Variants in AK9 observed in about 807,000 individuals in gnomAD.
AK9 encodes the protein adenylate kinase 9, also known as adenylate kinase domain containing 1.
AK9 carries 191 observed loss-of-function variants against 239.6 expected under a neutral mutation model. The observed-to-expected ratio is 0.80, with a 90% CI of 0.71 to 0.90. The LOEUF is 0.90. Ranked by LOEUF, AK9 falls within the 40% of genes least tolerant of loss-of-function variation. The pLI is 0.00. For synonymous variants in AK9, 689 were observed against 721.0 expected (o/e 0.96, Z 0.71); for missense variants, 1,995 against 2,214.7 (o/e 0.90, Z 1.99).
chr6:109,594,627 C>A (rs538307067), intron 17 of AK9, among the ~76,000 whole-genome samples: 1 of 152,064 alleles, frequency 6.6e-6, no homozygotes, highest in Non-Finnish European at 1.5e-5. Flanking sequence ...AAGACTACAG[C>A]AGCCAAAACA....
intron 33 of AK9, among the ~76,000 whole-genome samples, chr6:109,507,172 GC>G (rs1778197133): frequency 6.6e-6 from 1 of 152,184 alleles, no homozygotes; most frequent in Non-Finnish European, 1.5e-5. Flanking sequence ...AGCTTTAGAG[GC>G]AGATAACTTT....
At chr6:109,672,083 T>A in intron 4 of AK9, 32 bp downstream of exon 4, 1 of 1,612,842 alleles carries the variant, frequency 6.2e-7, no homozygotes, top group Non-Finnish European at 8.5e-7. Flanking sequence ...TTTTTTGTAA[T>A]CATAGTTACT....
rs571725484 is a variant in AK9, at chr6:109,536,458, C to G, written c.3351-2988G>C. 2.3e-3 allele frequency among the ~76,000 whole-genome samples: 350 copies of G among 152,290 alleles called. 1 individual carries two copies. The highest frequency in any genetic ancestry group is 4.4e-3 in the Admixed American group (68 of 15,292). On this transcript the variant is annotated intron_variant, in intron 27 of 40. Coordinates refer to ENST00000424296, the MANE Select transcript of AK9 (RefSeq NM_001145128.3). ...TGATTTCTGCACATTGACTTTGTAT[C>G]CTGAGACTTTGCTGAAGTTGCTTAT...
intron 17 of AK9, among the ~76,000 whole-genome samples, chr6:109,605,229 A>C (rs1198785979): frequency 6.6e-6 from 1 of 152,168 alleles, no homozygotes; most frequent in East Asian, 1.9e-4. Context: ...TGAGCCCAGG[A>C]GTTTGAGAAC....
At position 109,659,210 on chromosome 6, in the gene AK9, TA is replaced by T. The variant is rs745379887; in HGVS notation, c.630+17del. On this transcript the variant is annotated intron_variant, in intron 7 of 40. Transcript: ENST00000424296. ...TTTAAAAAGTGTAGTGTATGGTAGT[TA>T]CCTATTGAGATATTACCTCTTCTTC... 7.1e-6 allele frequency: 11 copies of T among 1,556,810 alleles called. No homozygotes were observed. In the East Asian group the frequency reaches 2.0e-4, roughly 29 times the overall value.
chr6:109,600,028 G>A (rs1426116804), intron 17 of AK9, among the ~76,000 whole-genome samples: 1 of 152,084 alleles, frequency 6.6e-6, no homozygotes, highest in Non-Finnish European at 1.5e-5. Flanking sequence ...CACAAACAGG[G>A]ACAATTTGAT....
chr6:109,582,867 T>C (rs1219714215), intron 19 of AK9, among the ~76,000 whole-genome samples: 1 of 152,134 alleles, frequency 6.6e-6, no homozygotes, highest in East Asian at 1.9e-4. Flanking sequence ...GAAATTTCCA[T>C]AGCCACCCCA....
rs1362882085 is a variant in AK9 at position 109,495,431 on chromosome 6, C to T, written c.5325G>A (p.Leu1775=). The T allele has an allele frequency of 1.2e-6, 2 of 1,612,550 alleles. No individual in the cohort carries two copies. Among genetic ancestry groups the T allele is most frequent in the Non-Finnish European group, 1.7e-6 (2 of 1,179,482 alleles). The change falls in exon 39 of 41, where the codon CTG becomes CTA. Residue 1775 remains leucine, a synonymous_variant. Coordinates refer to ENST00000424296, the MANE Select transcript of AK9 (RefSeq NM_001145128.3). ...EKLQKFLRSP[L]KYWEQKLPHK... Reference sequence around the variant, plus strand: ...GTGGAAGCTTCTGTTCCCAGTATTTCAGTGGCGACCTAAGAACACAAAGTT... The same window carrying T: ...GTGGAAGCTTCTGTTCCCAGTATTTTAGTGGCGACCTAAGAACACAAAGTT...
intron 17 of AK9, among the ~76,000 whole-genome samples, chr6:109,604,073 A>G (rs947906926): frequency 1.5e-4 from 23 of 151,644 alleles, no homozygotes; most frequent in Non-Finnish European, 2.9e-4. Context: ...CACTGCCCCC[A>G]CTATCCTGCA....
chr6:109,546,131 T>C lies in AK9; in HGVS notation c.2965-4A>G. On this transcript the variant is annotated splice_region_variant and splice_polypyrimidine_tract_variant and intron_variant, in intron 25 of 40. Transcript: ENST00000424296. ...GGCATATTCTTAATGGAGGAGCCTG[T>C]CACAGGGGGTGGGTCAGGGAGGGGT... 1.8e-6 allele frequency: 1 copy of C among 570,976 alleles called. No homozygotes were observed. The highest frequency in any genetic ancestry group is 3.2e-6 in the Non-Finnish European group (1 of 312,084). 35.4% of individuals were successfully genotyped at this position (570,976 alleles called of 1,614,324 possible).
intron 39 of AK9, chr6:109,494,340 G>T: frequency 2.6e-6 from 1 of 383,292 alleles, no homozygotes; most frequent in Non-Finnish European, 4.7e-6. Context: ...TAGGAGTATG[G>T]GCTTCATTAC....
At chr6:109,593,912 C>T (rs1269611306) in intron 17 of AK9, among the ~76,000 whole-genome samples, 2 of 152,054 alleles carry the variant, frequency 1.3e-5, no homozygotes, top group Admixed American at 6.6e-5. Context: ...AATATCATAC[C>T]AAATGGGCAA....
intron 8 of AK9, among the ~76,000 whole-genome samples, chr6:109,646,022 A>G (rs1454697661): frequency 6.6e-6 from 1 of 152,266 alleles, no homozygotes; most frequent in Non-Finnish European, 1.5e-5. Context: ...AAGGAAAACT[A>G]ACAAACAGAA....
chr6:109,538,654 T>A (rs555031388), intron 27 of AK9, among the ~76,000 whole-genome samples: 1 of 152,110 alleles, frequency 6.6e-6, no homozygotes, highest in African/African-American at 2.4e-5. Flanking sequence ...CATTATGATA[T>A]TAGCTGGTTA....
intron 8 of AK9, among the ~76,000 whole-genome samples, chr6:109,651,332 G>A (rs1277164783): frequency 1.3e-5 from 2 of 151,512 alleles, no homozygotes; most frequent in African/African-American, 4.8e-5. Flanking sequence ...GGTACATAAC[G>A]AAATGAAGGC....
Position 109,634,065 on chromosome 6 carries a change from A to G in AK9, c.934-742T>C, listed in dbSNP as rs558741612. Reference sequence around the variant, plus strand: ...ATGGCATGGTGAGTATTATGGTTTGAATGTCCCCTCCAAAACTCAGGTTGA... The same window carrying G: ...ATGGCATGGTGAGTATTATGGTTTGGATGTCCCCTCCAAAACTCAGGTTGA... On this transcript the variant is annotated intron_variant, in intron 10 of 40. Coordinates refer to ENST00000424296, the MANE Select transcript of AK9 (RefSeq NM_001145128.3). Among the ~76,000 whole-genome samples the G allele has an allele frequency of 5.3e-5, 8 of 152,278 alleles. No homozygotes were observed. The East Asian group carries it at 1.5e-3, about 29-fold the overall frequency.
At chr6:109,495,545 G>C in intron 38 of AK9, 105 bp from the exon 39 acceptor site, 1 of 733,650 alleles carries the variant, frequency 1.4e-6, no homozygotes, top group Non-Finnish European at 2.0e-6. Context: ...TACTTTTTCT[G>C]CACTGGAGAA....
At chr6:109,532,921 C>T (rs919792448) in intron 28 of AK9, among the ~76,000 whole-genome samples, 7 of 151,978 alleles carry the variant, frequency 4.6e-5, no homozygotes, top group East Asian at 3.9e-4. Context: ...CCAGGGGCAG[C>T]GAAAAAGACC....
chr6:109,516,059 T>TA lies in AK9; in HGVS notation c.3862dup (p.Tyr1288LeufsTer9). The stretch of plus-strand genomic sequence containing the variant: ...ATTAATGGAAATTATTGGTATCAAA[T>TA]ACCTCTCAAGTTCATCCTGATAAGA... On this transcript the variant is annotated frameshift_variant, in exon 31 of 41. Coordinates refer to ENST00000424296, the MANE Select transcript of AK9 (RefSeq NM_001145128.3). LOFTEE classifies it high-confidence loss of function. 6.5e-7 allele frequency: 1 copy of TA among 1,549,526 alleles called. No individual in the cohort carries two copies. The highest frequency in any genetic ancestry group is 8.7e-7 in the Non-Finnish European group (1 of 1,145,134).
Sources: gnomAD v4.1 joint callset for allele counts (sites outside exome capture counted in the v4.1 genomes callset) on GRCh38, gnomAD v4.1.1 for gene constraint, MANE v1.5 for transcripts, NCBI Gene and HGNC (gene_info 2026-07-23, HGNC 2026-07-21) for gene names.